GSG1L: variants seen among roughly 807,000 people sequenced by gnomAD.
GSG1L encodes the protein germ cell-specific gene 1-like protein.
A neutral mutation model predicts 42.1 loss-of-function variants in GSG1L; 24 were observed. The ratio of observed to expected loss-of-function variants is 0.57; its 90% CI spans 0.41 to 0.80. GSG1L has a LOEUF of 0.80. Among genes scored for constraint, GSG1L ranks in the 30% least tolerant of loss-of-function variants. The pLI, the probability that GSG1L is intolerant of heterozygous loss-of-function variation, is 0.00. For synonymous variants in GSG1L, 215 were observed against 203.5 expected (o/e 1.06, Z -0.48); for missense variants, 445 against 472.2 (o/e 0.94, Z 0.53).
chr16:28,014,493 A>T (rs1474326968), intron 1 of GSG1L, among the ~76,000 whole-genome samples: 1 of 151,676 alleles, frequency 6.6e-6, no homozygotes, highest in Non-Finnish European at 1.5e-5. Flanking sequence ...CGGAAAGGGG[A>T]GTCATTTTCT....
intron 1 of GSG1L, among the ~76,000 whole-genome samples, chr16:28,051,797 T>C (rs538089888): frequency 6.6e-6 from 1 of 152,060 alleles, no homozygotes; most frequent in Non-Finnish European, 1.5e-5. Flanking sequence ...TGATGGCAGG[T>C]CTTGTAGCTA....
chr16:27,881,238 CTTTT>C (rs149874320), intron 3 of GSG1L, among the ~76,000 whole-genome samples: 1 of 106,990 alleles, frequency 9.3e-6, no homozygotes, highest in Admixed American at 1.2e-4. Flanking sequence ...AAGTATCATA[CTTTT>C]TTTTTTTTTT....
intron 1 of GSG1L, among the ~76,000 whole-genome samples, chr16:28,035,386 G>C (rs1339946563): frequency 2.0e-5 from 3 of 152,080 alleles, no homozygotes; most frequent in African/African-American, 7.2e-5. Context: ...AAATAGGTGA[G>C]GATCTTTCTT....
intron 4 of GSG1L, among the ~76,000 whole-genome samples, chr16:27,836,878 G>A (rs2083326677): frequency 6.6e-6 from 1 of 152,178 alleles, no homozygotes; most frequent in African/African-American, 2.4e-5. Context: ...GGCATGGTAT[G>A]TGATTTTAAT....
chr16:28,031,851 A>G (rs910157543), intron 1 of GSG1L, among the ~76,000 whole-genome samples: 1 of 152,250 alleles, frequency 6.6e-6, no homozygotes, highest in Admixed American at 6.5e-5. Context: ...ACGAACCTCC[A>G]TGCCAGGGGC....
chr16:27,973,396 A>AT, intron 1 of GSG1L, among the ~76,000 whole-genome samples: 1 of 126,992 alleles, frequency 7.9e-6, no homozygotes, highest in East Asian at 2.7e-4. Context: ...GTGAGCTGAG[A>AT]TTTTGACACT....
chr16:27,882,062 C>A (rs2083964303), intron 3 of GSG1L, among the ~76,000 whole-genome samples: 1 of 152,078 alleles, frequency 6.6e-6, no homozygotes, highest in Non-Finnish European at 1.5e-5. Context: ...CTGTAGTTCC[C>A]ATAATTCCCA....
intron 3 of GSG1L, among the ~76,000 whole-genome samples, chr16:27,868,474 T>A (rs562569017): frequency 1.3e-5 from 2 of 151,688 alleles, no homozygotes; most frequent in East Asian, 3.9e-4. Context: ...ATGAGGAGAG[T>A]GACATAAACA....
intron 3 of GSG1L, among the ~76,000 whole-genome samples, chr16:27,864,731 C>T (rs1217675117): frequency 6.6e-6 from 1 of 152,196 alleles, no homozygotes. Flanking sequence ...ATGGAGGTTG[C>T]AAAGCCCTCG....
chr16:27,884,717 C>G lies in GSG1L; in HGVS notation c.398-79G>C. On this transcript the variant is annotated intron_variant, in intron 2 of 6. Coordinates refer to ENST00000447459, the MANE Select transcript of GSG1L (RefSeq NM_001109763.2). The surrounding 1 kb of genome is among the most constrained non-coding windows in gnomAD (Gnocchi z 4.4). ...CACCCTGTGCCTATTCCTCCCACAA[C>G]AGCAGAGGGTAGCAAGTCATTCTAG... The G allele has an allele frequency of 7.3e-7, 1 of 1,375,774 alleles. No homozygotes were observed. The highest frequency in any genetic ancestry group is 2.5e-5 in the East Asian group (1 of 39,504). The allele number at this position is 1,375,774 out of a possible 1,614,324, so 85.2% of individuals were successfully genotyped here.
intron 2 of GSG1L, among the ~76,000 whole-genome samples, chr16:27,955,928 A>AGAAG (rs1224536647): frequency 3.5e-5 from 2 of 56,784 alleles, no homozygotes; most frequent in African/African-American, 7.4e-5. Flanking sequence ...AAGGAAGGAA[A>AGAAG]GAAGGAAGGA....
At chr16:27,980,717 T>C (rs2141125161) in intron 1 of GSG1L, among the ~76,000 whole-genome samples, 1 of 151,916 alleles carries the variant, frequency 6.6e-6, no homozygotes, top group East Asian at 1.9e-4. Flanking sequence ...ACCCTGACTC[T>C]ACTAAAAATA....
Position 27,928,600 on chromosome 16 carries a change from GCTT to G in GSG1L, c.397+34553_397+34555del, listed in dbSNP as rs570944676. On this transcript the variant is annotated intron_variant, in intron 2 of 6. Coordinates refer to ENST00000447459, the MANE Select transcript of GSG1L (RefSeq NM_001109763.2). ...CAGTCTGTCTGGACACCAGGGAGAG[GCTT>G]CTAATTGGATTCAGTCAGGCTGCTT... Among the ~76,000 whole-genome samples the G allele has an allele frequency of 2.0e-3, 298 of 152,332 alleles. 1 individual carries two copies. The highest frequency in any genetic ancestry group is 6.9e-3 in the African/African-American group (286 of 41,582).
At position 28,063,399 on chromosome 16, in the gene GSG1L, G is replaced by T. The variant is rs1214485595; in HGVS notation, c.26C>A (p.Ala9Glu). 2 of 1,336,534 alleles carry T rather than the reference G, an allele frequency of 1.5e-6. No homozygotes were observed. Among genetic ancestry groups the T allele is most frequent in the Non-Finnish European group, 1.9e-6 (2 of 1,035,130 alleles). 82.8% of individuals were successfully genotyped at this position (1,336,534 alleles called of 1,614,324 possible). The stretch of plus-strand genomic sequence containing the variant: ...CAGGTTCAGGGCCACGGCCAGGAGC[G>T]CTCGGCCGCGGCGGCTAGTCTTCAT... MKTSRRGRALLAVALNLLA... is the reference protein window; with the variant it reads MKTSRRGRELLAVALNLLA... Residue 9 changes from alanine (A) to glutamate (E), a missense_variant, in exon 1 of 7, where the codon GCG (alanine) becomes GAG (glutamate). Physicochemically the swap from Ala to Glu is moderately radical, Grantham distance 107. Around this residue, in one of 3 missense-constraint regions of GSG1L, gnomAD observed 156 missense variants for 128.3 expected, o/e 1.22. Coordinates refer to ENST00000447459, the MANE Select transcript of GSG1L (RefSeq NM_001109763.2). The surrounding 1 kb of genome is among the most constrained non-coding windows in gnomAD (Gnocchi z 5.8).
At chr16:27,976,293 T>G (rs2085249818) in intron 1 of GSG1L, among the ~76,000 whole-genome samples, 1 of 152,010 alleles carries the variant, frequency 6.6e-6, no homozygotes, top group South Asian at 2.1e-4. Context: ...ATAATAATAA[T>G]GCCCAGACAA....
chr16:27,938,384 T>TAA (rs2084744423), intron 2 of GSG1L, among the ~76,000 whole-genome samples: 1 of 71,702 alleles, frequency 1.4e-5, no homozygotes, highest in Admixed American at 1.3e-4. Flanking sequence ...CGAGACTCCA[T>TAA]TAAAAAAAAA....
chr16:27,924,701 A>T (rs1484688257), intron 2 of GSG1L, among the ~76,000 whole-genome samples: 7 of 152,350 alleles, frequency 4.6e-5, no homozygotes, highest in Non-Finnish European at 7.3e-5. Flanking sequence ...TATCACACAC[A>T]AAAGAAAACT....
At chr16:28,041,203 C>A (rs1205658067) in intron 1 of GSG1L, among the ~76,000 whole-genome samples, 1 of 152,154 alleles carries the variant, frequency 6.6e-6, no homozygotes, top group African/African-American at 2.4e-5. Flanking sequence ...GTAATCCTAG[C>A]ACTTTGGGAG....
intron 1 of GSG1L, among the ~76,000 whole-genome samples, chr16:27,968,543 G>A (rs575603192): frequency 7.2e-5 from 11 of 152,172 alleles, no homozygotes; most frequent in Admixed American, 5.2e-4. Flanking sequence ...GATCTACCAC[G>A]CCCGGCCCTA....
Sources: allele counts gnomAD v4.1 joint callset (sites outside exome capture counted in the v4.1 genomes callset), GRCh38; gene constraint gnomAD v4.1.1; regional missense constraint gnomAD v4.1.1; non-coding constraint Gnocchi (gnomAD v3.1); transcripts MANE v1.5; gene names NCBI Gene and HGNC (gene_info 2026-07-23, HGNC 2026-07-21).